DESI2: variants seen among roughly 807,000 people sequenced by gnomAD.
The protein encoded by DESI2 is desumoylating isopeptidase 2, also known as deubiquitinase DESI2.
A neutral mutation model predicts 24.1 loss-of-function variants in DESI2; 10 were observed. The observed-to-expected ratio is 0.41, with a 90% CI of 0.26 to 0.70. The LOEUF (loss-of-function observed/expected upper bound fraction) is 0.70, where lower values mean the gene tolerates loss of function less well. Ranked by LOEUF, DESI2 falls within the 30% of genes least tolerant of loss-of-function variation. The pLI is 0.29. For synonymous variants in DESI2, 71 were observed against 87.7 expected, an observed-to-expected ratio of 0.81 and a Z score of 1.06; for missense variants, 122 against 234.9, an observed-to-expected ratio of 0.52 and a Z score of 3.14.
chr1:244,689,623 C>T lies in DESI2; in HGVS notation c.209+281C>T, dbSNP rs896964334. 2.6e-5 allele frequency among the ~76,000 whole-genome samples: 4 copies of T among 152,126 alleles called. No individual in the cohort carries two copies. Among genetic ancestry groups the T allele is most frequent in the African/African-American group, 9.7e-5 (4 of 41,410 alleles). ...CTTCTAGGTTCAAGCGATTCTCCTG[C>T]CTCAGGCTCCCAAGTAGCTGGGATT... On this transcript the variant is annotated intron_variant, in intron 3 of 4. Coordinates refer to ENST00000302550, the MANE Select transcript of DESI2 (RefSeq NM_016076.5). This position sits in a 1 kb window ranked among gnomAD's most constrained non-coding sequence, Gnocchi z 4.0.
Position 244,653,212 on chromosome 1 carries a change from G to A in DESI2, c.-102G>A. 5 of 1,249,666 alleles carry A rather than the reference G, an allele frequency of 4.0e-6. No homozygotes were observed. Among genetic ancestry groups the A allele is most frequent in the Non-Finnish European group, 5.3e-6 (5 of 943,908 alleles). The allele number at this position is 1,249,666 out of a possible 1,614,324, so 77.4% of individuals were successfully genotyped here. On this transcript the variant is annotated 5_prime_UTR_variant, in exon 1 of 5. Coordinates refer to ENST00000302550, the MANE Select transcript of DESI2 (RefSeq NM_016076.5). ...CCGCGGGCCGGGCTGTACGCTTAGT[G>A]CCCGGCTCAGGCCCCCTGAAGCGCC...
chr1:244,693,045 G>T (rs988622197), intron 4 of DESI2, among the ~76,000 whole-genome samples: 3 of 152,202 alleles, frequency 2.0e-5, no homozygotes, highest in African/African-American at 7.2e-5. Context: ...CATTACATTT[G>T]TATGGAATGC....
intron 4 of DESI2, among the ~76,000 whole-genome samples, chr1:244,701,212 T>TCC (rs1677442100): frequency 8.7e-5 from 5 of 57,718 alleles, no homozygotes; most frequent in African/African-American, 3.6e-4. Flanking sequence ...CACCTTCCCC[T>TCC]CCACCCCCCC....
At chr1:244,657,740 A>T (rs564619283) in intron 1 of DESI2, among the ~76,000 whole-genome samples, 381 of 152,314 alleles carry the variant, frequency 2.5e-3, no homozygotes, top group African/African-American at 8.2e-3. Context: ...TCATAATTGT[A>T]AAGTAACTGC....
chr1:244,697,476 CAAAAA>C (rs60674613), intron 4 of DESI2, among the ~76,000 whole-genome samples: 14 of 119,090 alleles, frequency 1.2e-4, no homozygotes, highest in Non-Finnish European at 1.8e-4. Context: ...GCCTCTGTCT[CAAAAA>C]AAAAAAAAAA....
chr1:244,704,459 A>C (rs1324572613), intron 4 of DESI2, among the ~76,000 whole-genome samples: 1 of 152,204 alleles, frequency 6.6e-6, no homozygotes, highest in Non-Finnish European at 1.5e-5. Context: ...GGAAGGGTTC[A>C]AGAGTCCTAA....
At chr1:244,697,521 G>T (rs1210385754) in intron 4 of DESI2, among the ~76,000 whole-genome samples, 1 of 151,414 alleles carries the variant, frequency 6.6e-6, no homozygotes, top group Non-Finnish European at 1.5e-5. Context: ...GATGAAATGG[G>T]TAGAGGTATG....
intron 1 of DESI2, among the ~76,000 whole-genome samples, chr1:244,661,480 T>C (rs557958591): frequency 2.3e-4 from 35 of 152,278 alleles, no homozygotes; most frequent in Non-Finnish European, 3.4e-4. Context: ...TACATATGTA[T>C]ACATGTGCCG....
At position 244,706,061 on chromosome 1, in the gene DESI2, GT is replaced by G; in HGVS notation, c.*275del. On this transcript the variant is annotated 3_prime_UTR_variant, in exon 5 of 5. Transcript: ENST00000302550. ...TTTTATACAAGCTCTGTTAAGTTAT[GT>G]TTACAGTATCTTGTATCGCTGTTTA... 1 of 411,948 alleles carries G rather than the reference GT, an allele frequency of 2.4e-6. No homozygotes were observed. Among genetic ancestry groups the G allele is most frequent in the South Asian group, 2.8e-5 (1 of 35,760 alleles). The allele number at this position is 411,948 out of a possible 1,614,324, so 25.5% of individuals were successfully genotyped here.
chr1:244,703,476 C>T (rs191789373), intron 4 of DESI2, among the ~76,000 whole-genome samples: 20 of 152,250 alleles, frequency 1.3e-4, no homozygotes, highest in Non-Finnish European at 2.9e-5. Context: ...CTGCCCTAGC[C>T]TCCCAAGTAG....
chr1:244,700,468 C>A (rs537190230), intron 4 of DESI2, among the ~76,000 whole-genome samples: 2 of 152,080 alleles, frequency 1.3e-5, no homozygotes, highest in African/African-American at 2.4e-5. Context: ...TCTTCTACAG[C>A]GTTTTGTTAT....
intron 4 of DESI2, among the ~76,000 whole-genome samples, chr1:244,704,962 CTTT>C (rs1275871298): frequency 6.6e-6 from 1 of 152,196 alleles, no homozygotes; most frequent in South Asian, 2.1e-4. Flanking sequence ...CTGGCCCACA[CTTT>C]TTTAATTTGA....
chr1:244,704,986 T>C (rs1416440323), intron 4 of DESI2, among the ~76,000 whole-genome samples: 1 of 152,146 alleles, frequency 6.6e-6, no homozygotes, highest in Non-Finnish European at 1.5e-5. Flanking sequence ...GACACTCTTA[T>C]CACCCAGGCT....
chr1:244,656,887 G>A (rs992393607), intron 1 of DESI2, among the ~76,000 whole-genome samples: 1 of 152,062 alleles, frequency 6.6e-6, no homozygotes, highest in Admixed American at 6.6e-5. Context: ...TGATTCTCCC[G>A]CCTCAGCCTG....
intron 1 of DESI2, among the ~76,000 whole-genome samples, chr1:244,668,196 A>G (rs748963411): frequency 6.6e-5 from 10 of 152,194 alleles, no homozygotes; most frequent in Non-Finnish European, 1.2e-4. Context: ...GTTTTGTTCA[A>G]TCAAAGTTGC....
At chr1:244,698,529 T>A (rs1677307197) in intron 4 of DESI2, among the ~76,000 whole-genome samples, 1 of 152,224 alleles carries the variant, frequency 6.6e-6, no homozygotes, top group Admixed American at 6.5e-5. Flanking sequence ...CCCTTCAGCA[T>A]CTCAGCTTTA....
At chr1:244,658,558 G>A (rs375249326) in intron 1 of DESI2, among the ~76,000 whole-genome samples, 97 of 152,244 alleles carry the variant, frequency 6.4e-4, no homozygotes, top group African/African-American at 2.2e-3. Flanking sequence ...CTCCGATAGC[G>A]CCATACTATG....
chr1:244,653,158 T>TCGGCTGCCCGATGCTTCCGCCC lies in DESI2; in HGVS notation c.-147_-126dup, dbSNP rs1675515450. ...CCTGTCGGCGGCGCCCGGGAGCGGC[T>TCGGCTGCCCGATGCTTCCGCCC]CGGCTGCCCGATGCTTCCGCCCCGG... On this transcript the variant is annotated 5_prime_UTR_variant, in exon 1 of 5. In the 5' UTR this introduces an upstream ATG that the reference lacks. Coordinates refer to ENST00000302550, the MANE Select transcript of DESI2 (RefSeq NM_016076.5). 4.4e-6 allele frequency: 3 copies of TCGGCTGCCCGATGCTTCCGCCC among 689,436 alleles called. No homozygotes were observed. Among genetic ancestry groups the TCGGCTGCCCGATGCTTCCGCCC allele is most frequent in the East Asian group, 3.5e-5 (1 of 28,756 alleles). The allele number at this position is 689,436 out of a possible 1,614,324, so 42.7% of individuals were successfully genotyped here.
At chr1:244,653,611 T>C (rs994786380) in intron 1 of DESI2, 3 of 532,344 alleles carry the variant, frequency 5.6e-6, no homozygotes, top group African/African-American at 3.9e-5. Context: ...TCCGCTCAGC[T>C]TGGACCCGAC....
Sources: allele counts gnomAD v4.1 joint callset (sites outside exome capture counted in the v4.1 genomes callset), GRCh38; gene constraint gnomAD v4.1.1; non-coding constraint Gnocchi (gnomAD v3.1); transcripts MANE v1.5; gene names NCBI Gene and HGNC (gene_info 2026-07-23, HGNC 2026-07-21).